DCC: variants seen among roughly 807,000 people sequenced by gnomAD.
DCC encodes the protein netrin receptor DCC.
Under a neutral mutation model 172.5 loss-of-function variants are expected in DCC, and 58 were observed. The observed-to-expected ratio is 0.34, with a 90% CI of 0.27 to 0.42. DCC has a LOEUF of 0.42. DCC is among the 10% of genes least tolerant of loss of function. DCC has a pLI of 1.00. For missense variants in DCC, 1,740 were observed against 1,791.0 expected, an observed-to-expected ratio of 0.97 and a Z score of 0.51; for synonymous variants, 709 against 644.5, an observed-to-expected ratio of 1.10 and a Z score of -1.52.
chr18:52,563,992 A>G (rs2033099288), intron 1 of DCC, among the ~76,000 whole-genome samples: 1 of 152,166 alleles, frequency 6.6e-6, no homozygotes, highest in Admixed American at 6.5e-5. Flanking sequence ...CCAATATAGC[A>G]TTCCTAATAG....
chr18:52,717,045 A>G (rs1244059268), intron 1 of DCC, among the ~76,000 whole-genome samples: 1 of 152,184 alleles, frequency 6.6e-6, no homozygotes, highest in Non-Finnish European at 1.5e-5. Context: ...AGTAAAGTGT[A>G]GCAAGTATCA....
intron 5 of DCC, chr18:52,931,810 G>A (rs1457645619): frequency 6.6e-6 from 1 of 151,998 alleles, no homozygotes; most frequent in Non-Finnish European, 1.5e-5. Context: ...AAGTATTGGT[G>A]GACACCTTTT....
intron 5 of DCC, among the ~76,000 whole-genome samples, chr18:53,012,004 C>A (rs1190549764): frequency 1.3e-5 from 2 of 151,830 alleles, no homozygotes; most frequent in Non-Finnish European, 1.5e-5. Context: ...TACCCTTAGG[C>A]ACCCACCAGA....
chr18:52,776,465 G>T (rs116123328), intron 2 of DCC, among the ~76,000 whole-genome samples: 1,728 of 152,204 alleles, frequency 0.011, 31 homozygotes, highest in African/African-American at 0.04. Flanking sequence ...AAAGCTGGAA[G>T]AAAAAGTAGG....
intron 19 of DCC, 98 bp from the exon 20 acceptor site, chr18:53,410,354 A>G: frequency 1.3e-6 from 1 of 785,740 alleles, no homozygotes; most frequent in Non-Finnish European, 2.3e-6. Context: ...TGGACATATA[A>G]TAATTATTGT....
chr18:53,187,675 T>C (rs557300989), intron 9 of DCC, among the ~76,000 whole-genome samples: 1 of 152,352 alleles, frequency 6.6e-6, no homozygotes, highest in South Asian at 2.1e-4. Flanking sequence ...TGGTGAATTT[T>C]ACATGTTACA....
chr18:53,485,055 G>A (rs1190044792), intron 25 of DCC, among the ~76,000 whole-genome samples: 1 of 151,992 alleles, frequency 6.6e-6, no homozygotes, highest in Non-Finnish European at 1.5e-5. Context: ...AGATGAACAA[G>A]TCTAGAGACC....
At chr18:52,666,434 A>G (rs2035460365) in intron 1 of DCC, among the ~76,000 whole-genome samples, 1 of 152,252 alleles carries the variant, frequency 6.6e-6, no homozygotes, top group Non-Finnish European at 1.5e-5. Context: ...AGTTTTGGTA[A>G]ACAAATAGCA....
intron 2 of DCC, among the ~76,000 whole-genome samples, chr18:52,886,312 C>A (rs2039568934): frequency 1.3e-5 from 2 of 152,120 alleles, no homozygotes; most frequent in African/African-American, 4.8e-5. Flanking sequence ...GGTGGCAAGG[C>A]CTGCCAAGAA....
intron 2 of DCC, among the ~76,000 whole-genome samples, chr18:52,834,984 CTTCT>C (rs1310935570): frequency 1.3e-5 from 2 of 151,966 alleles, no homozygotes; most frequent in Non-Finnish European, 2.9e-5. Context: ...TAAACTATTT[CTTCT>C]TTTGTAGGAA....
chr18:53,306,174 A>G (rs2057198204), intron 13 of DCC, among the ~76,000 whole-genome samples: 1 of 152,228 alleles, frequency 6.6e-6, no homozygotes, highest in Admixed American at 6.5e-5. Context: ...TTCTGCCAAT[A>G]TAAAGTAAAT....
chr18:52,641,254 A>T (rs1257279601), intron 1 of DCC, among the ~76,000 whole-genome samples: 1 of 152,212 alleles, frequency 6.6e-6, no homozygotes, highest in Non-Finnish European at 1.5e-5. Context: ...ACCTGAAACT[A>T]AAAATTCTAT....
chr18:52,386,918 G>A (rs187673562), intron 1 of DCC, among the ~76,000 whole-genome samples: 4 of 152,012 alleles, frequency 2.6e-5, no homozygotes, highest in Admixed American at 6.5e-5. Flanking sequence ...ATACCATTAC[G>A]GGAGTAGCTC....
intron 1 of DCC, among the ~76,000 whole-genome samples, chr18:52,562,740 A>G (rs1230771311): frequency 6.6e-6 from 1 of 152,154 alleles, no homozygotes; most frequent in Non-Finnish European, 1.5e-5. Context: ...GTCTATCTGA[A>G]CATATTAGAG....
intron 1 of DCC, among the ~76,000 whole-genome samples, chr18:52,707,836 A>T (rs887601832): frequency 1.3e-5 from 2 of 152,210 alleles, no homozygotes; most frequent in South Asian, 4.1e-4. Context: ...AGAATAAAAT[A>T]GTGGCTACCA....
At chr18:52,422,772 A>G (rs1598806338) in intron 1 of DCC, among the ~76,000 whole-genome samples, 1 of 152,190 alleles carries the variant, frequency 6.6e-6, no homozygotes, top group Admixed American at 6.6e-5. Flanking sequence ...TTAGAGCAAC[A>G]TAGATATCCT....
chr18:52,613,160 G>A (rs1334282976), intron 1 of DCC, among the ~76,000 whole-genome samples: 4 of 152,190 alleles, frequency 2.6e-5, no homozygotes, highest in East Asian at 1.9e-4. Context: ...TTCCCCTAAT[G>A]TATCTCATGG....
rs997963605 is a variant in DCC, at chr18:52,860,725, C to T, written c.413-45319C>T. On this transcript the variant is annotated intron_variant, in intron 2 of 28. Transcript: ENST00000442544. ...TTAAAAGTTGGCTTTGCTAGCCGGG[C>T]GCTGTGCTTCATGCCTGTAATCCCA... Among the ~76,000 whole-genome samples, 3 of 152,166 alleles carry T rather than the reference C, an allele frequency of 2.0e-5. No individual in the cohort carries two copies. The South Asian group carries it at 6.2e-4, about 31-fold the overall frequency.
At chr18:52,997,082 C>CA (rs1261225427) in intron 5 of DCC, among the ~76,000 whole-genome samples, 2 of 152,022 alleles carry the variant, frequency 1.3e-5, no homozygotes, top group Non-Finnish European at 2.9e-5. Context: ...AAACAAAAGC[C>CA]AAACCATTAA....
Sources: gnomAD v4.1 joint callset for allele counts (sites outside exome capture counted in the v4.1 genomes callset) on GRCh38, gnomAD v4.1.1 for gene constraint, MANE v1.5 for transcripts, NCBI Gene and HGNC (gene_info 2026-07-23, HGNC 2026-07-21) for gene names.